Variants in GTF2IRD1 observed in about 807,000 individuals in gnomAD.
GTF2IRD1 encodes the protein GTF2I repeat domain containing 1.
Under a neutral mutation model 113.2 loss-of-function variants are expected in GTF2IRD1, and 26 were observed. The ratio of observed to expected loss-of-function variants is 0.23; its 90% CI spans 0.17 to 0.32. GTF2IRD1 has a LOEUF of 0.32. Ranked by LOEUF, GTF2IRD1 falls within the 10% of genes least tolerant of loss-of-function variation. GTF2IRD1 has a pLI of 1.00. For synonymous variants in GTF2IRD1, 484 were observed against 529.1 expected (o/e 0.91, Z 1.17); for missense variants, 864 against 1,280.8 (o/e 0.67, Z 4.97).
At chr7:74,518,031 C>A in intron 4 of GTF2IRD1, 108 bp from the exon 5 acceptor site, 1 of 698,230 alleles carries the variant, frequency 1.4e-6, no homozygotes, top group Non-Finnish European at 2.3e-6. Flanking sequence ...GGGAACCCCG[C>A]ACCAAGGGGA....
chr7:74,504,094 C>T (rs1322572908), intron 1 of GTF2IRD1, among the ~76,000 whole-genome samples: 1 of 152,110 alleles, frequency 6.6e-6, no homozygotes, highest in Non-Finnish European at 1.5e-5. Context: ...TGATTTTGTT[C>T]TTTTTTATGG....
chr7:74,536,031 C>A, intron 10 of GTF2IRD1, 136 bp from the exon 11 acceptor site: 2 of 594,902 alleles, frequency 3.4e-6, no homozygotes, highest in African/African-American at 1.9e-5. Flanking sequence ...CTGGACGTGG[C>A]GCCCACAAGG....
At chr7:74,478,769 A>T (rs1794570805) in intron 1 of GTF2IRD1, among the ~76,000 whole-genome samples, 1 of 150,466 alleles carries the variant, frequency 6.6e-6, no homozygotes. Context: ...TTTTTGAGAT[A>T]GGGTCTTGCT....
chr7:74,531,436 A>C (rs1183958504), intron 9 of GTF2IRD1, among the ~76,000 whole-genome samples: 1 of 151,954 alleles, frequency 6.6e-6, no homozygotes, highest in African/African-American at 2.4e-5. Context: ...TGTTGATCGG[A>C]GAGTAAATTA....
Position 74,602,559 on chromosome 7 carries a change from G to A in GTF2IRD1, c.*126G>A. The A allele has an allele frequency of 1.8e-6, 1 of 552,174 alleles. No homozygotes were observed. The highest frequency in any genetic ancestry group is 3.0e-6 in the Non-Finnish European group (1 of 335,966). The allele number at this position is 552,174 out of a possible 1,614,324, so 34.2% of individuals were successfully genotyped here. ...CCAATGATTTTTACACTATATTCCT[G>A]CCACCAAGGCCTTTTTAAATAAGTA... On this transcript the variant is annotated 3_prime_UTR_variant, in exon 27 of 27. Transcript: ENST00000424337.
intron 7 of GTF2IRD1, 81 bp from the exon 8 acceptor site, chr7:74,523,990 A>C: frequency 1.0e-6 from 1 of 988,434 alleles, no homozygotes; most frequent in African/African-American, 1.6e-5. Context: ...CTGGGGGTGA[A>C]AGCCCGGTGG....
At chr7:74,515,781 C>T (rs1176428865) in intron 4 of GTF2IRD1, among the ~76,000 whole-genome samples, 185 bp downstream of exon 4, 5 of 152,158 alleles carry the variant, frequency 3.3e-5, no homozygotes, top group Non-Finnish European at 5.9e-5. Flanking sequence ...AAGTTCTGCT[C>T]CAGCCGTTTT....
At chr7:74,552,919 C>T (rs1799395139) in intron 17 of GTF2IRD1, among the ~76,000 whole-genome samples, 1 of 152,122 alleles carries the variant, frequency 6.6e-6, no homozygotes, top group Non-Finnish European at 1.5e-5. Flanking sequence ...CTTACTGCAA[C>T]CTCCGCCTCC....
intron 2 of GTF2IRD1, among the ~76,000 whole-genome samples, chr7:74,510,423 C>T (rs1796555923): frequency 6.6e-6 from 1 of 151,610 alleles, no homozygotes; most frequent in African/African-American, 2.4e-5. Flanking sequence ...TCTCCTGCCT[C>T]AGCCTCTGGA....
chr7:74,553,239 C>T (rs1799414082), intron 17 of GTF2IRD1, among the ~76,000 whole-genome samples: 1 of 151,444 alleles, frequency 6.6e-6, no homozygotes, highest in Non-Finnish European at 1.5e-5. Context: ...AAACGATTCT[C>T]CTGCCTCAGC....
At chr7:74,468,373 A>C (rs74848086) in intron 1 of GTF2IRD1, among the ~76,000 whole-genome samples, 1 of 149,800 alleles carries the variant, frequency 6.7e-6, no homozygotes, top group African/African-American at 2.5e-5. Flanking sequence ...AAAAAAAAAA[A>C]CCCAGCCAGG....
intron 25 of GTF2IRD1, among the ~76,000 whole-genome samples, chr7:74,596,399 G>A (rs1359713802): frequency 2.7e-5 from 4 of 149,508 alleles, no homozygotes; most frequent in Admixed American, 6.8e-5. Flanking sequence ...GACAGAGGTT[G>A]CAGTGAGCCA....
intron 9 of GTF2IRD1, among the ~76,000 whole-genome samples, chr7:74,532,143 C>T (rs1554349041): frequency 6.6e-6 from 1 of 152,164 alleles, no homozygotes; most frequent in African/African-American, 2.4e-5. Context: ...TGACCGCTCC[C>T]TGACATCTGC....
At chr7:74,536,877 G>A (rs1341747010) in intron 11 of GTF2IRD1, among the ~76,000 whole-genome samples, 1 of 152,166 alleles carries the variant, frequency 6.6e-6, no homozygotes, top group African/African-American at 2.4e-5. Context: ...TTGGGAGGCT[G>A]AGGTGGGTGG....
At chr7:74,523,999 G>A (rs1797445074) in intron 7 of GTF2IRD1, 72 bp from the exon 8 acceptor site, 3 of 1,064,880 alleles carry the variant, frequency 2.8e-6, no homozygotes, top group Non-Finnish European at 2.9e-6. Flanking sequence ...AAAGCCCGGT[G>A]GTCATGGCCG....
intron 22 of GTF2IRD1, among the ~76,000 whole-genome samples, chr7:74,564,697 A>C (rs370143140): frequency 7.2e-5 from 11 of 152,300 alleles, no homozygotes; most frequent in African/African-American, 2.6e-4. Context: ...TGGAGGCTGC[A>C]GGGAGCCATA....
At chr7:74,475,430 C>G (rs957706117) in intron 1 of GTF2IRD1, among the ~76,000 whole-genome samples, 4 of 152,168 alleles carry the variant, frequency 2.6e-5, no homozygotes, top group Non-Finnish European at 2.9e-5. Context: ...CACAGCCACT[C>G]GAGGCTGAGC....
intron 22 of GTF2IRD1, among the ~76,000 whole-genome samples, chr7:74,582,447 CAG>C (rs1801471179): frequency 6.6e-6 from 1 of 152,016 alleles, no homozygotes; most frequent in South Asian, 2.1e-4. Flanking sequence ...TTGGTAGAAA[CAG>C]GGTTTCCCTC....
At chr7:74,546,704 G>A (rs1554353325) in intron 16 of GTF2IRD1, among the ~76,000 whole-genome samples, 2 of 152,184 alleles carry the variant, frequency 1.3e-5, no homozygotes, top group Admixed American at 6.5e-5. Flanking sequence ...GGTTGCTTAT[G>A]GTGGCAGGAG....
Sources: allele counts gnomAD v4.1 joint callset (sites outside exome capture counted in the v4.1 genomes callset), GRCh38; gene constraint gnomAD v4.1.1; transcripts MANE v1.5; gene names NCBI Gene and HGNC (gene_info 2026-07-23, HGNC 2026-07-21).